KBTBD12: variants seen among roughly 807,000 people sequenced by gnomAD.
KBTBD12 encodes the protein kelch repeat and BTB domain-containing protein 12.
KBTBD12 carries 53 observed loss-of-function variants against 58.7 expected under a neutral mutation model. That is an observed-to-expected ratio of 0.90 (90% CI 0.72 to 1.14). The LOEUF is 1.14. KBTBD12 is among the 50% of genes most tolerant of loss of function. The pLI is 0.00. For missense variants in KBTBD12, 704 were observed against 751.3 expected, an observed-to-expected ratio of 0.94 and a Z score of 0.74; for synonymous variants, 236 against 259.8, an observed-to-expected ratio of 0.91 and a Z score of 0.88.
chr3:127,928,647 C>T (rs1007083951), intron 3 of KBTBD12, among the ~76,000 whole-genome samples: 7 of 152,186 alleles, frequency 4.6e-5, no homozygotes, highest in Admixed American at 1.3e-4. Context: ...CCCTCCCCTC[C>T]GGATGTCCTC....
chr3:127,976,230 C>T (rs1940780197), intron 5 of KBTBD12, among the ~76,000 whole-genome samples: 1 of 152,110 alleles, frequency 6.6e-6, no homozygotes, highest in African/African-American at 2.4e-5. Flanking sequence ...TTTATTTATT[C>T]TACTCTTAGT....
intron 5 of KBTBD12, among the ~76,000 whole-genome samples, chr3:127,973,188 G>A (rs1438110556): frequency 6.6e-6 from 1 of 152,106 alleles, no homozygotes; most frequent in East Asian, 1.9e-4. Flanking sequence ...CTTGTGTCCA[G>A]TCAAACCTCT....
At chr3:127,971,452 G>GC (rs1479914125) in intron 5 of KBTBD12, among the ~76,000 whole-genome samples, 1 of 152,166 alleles carries the variant, frequency 6.6e-6, no homozygotes, top group Non-Finnish European at 1.5e-5. Context: ...TGCTGACAAA[G>GC]CCCCCACTTT....
chr3:127,927,456 C>T (rs775361123), intron 2 of KBTBD12, among the ~76,000 whole-genome samples: 4 of 151,916 alleles, frequency 2.6e-5, no homozygotes, highest in Non-Finnish European at 4.4e-5. Context: ...ACTTTCTATC[C>T]ATTCTTGATT....
chr3:127,968,983 T>C (rs1218606271), intron 5 of KBTBD12, among the ~76,000 whole-genome samples: 1 of 152,170 alleles, frequency 6.6e-6, no homozygotes, highest in African/African-American at 2.4e-5. Flanking sequence ...GCTAACATCA[T>C]GCTTAATGGT....
At chr3:127,949,767 A>G (rs532571725) in intron 4 of KBTBD12, among the ~76,000 whole-genome samples, 16 of 152,318 alleles carry the variant, frequency 1.1e-4, no homozygotes, top group Middle Eastern at 3.4e-3. Flanking sequence ...CCTGCTTTCT[A>G]GAGAGTAAGG....
chr3:127,939,263 C>A (rs1291303952), intron 4 of KBTBD12, among the ~76,000 whole-genome samples: 4 of 152,188 alleles, frequency 2.6e-5, no homozygotes, highest in African/African-American at 9.7e-5. Context: ...ACCCACGTTG[C>A]TTTCGTCTTT....
chr3:127,918,607 G>A (rs546293426), intron 1 of KBTBD12, among the ~76,000 whole-genome samples: 3 of 152,024 alleles, frequency 2.0e-5, no homozygotes, highest in Non-Finnish European at 4.4e-5. Flanking sequence ...AGCTACTCAG[G>A]AGGCTGAGGC....
intron 5 of KBTBD12, among the ~76,000 whole-genome samples, chr3:127,983,323 A>G (rs1455179917): frequency 1.3e-5 from 2 of 152,132 alleles, no homozygotes; most frequent in African/African-American, 2.4e-5. Flanking sequence ...TTTGGTCCCC[A>G]GTGTAGCGGT....
At chr3:127,919,001 A>T (rs1437543803) in intron 1 of KBTBD12, among the ~76,000 whole-genome samples, 1 of 152,160 alleles carries the variant, frequency 6.6e-6, no homozygotes. Context: ...TGAAACTGGG[A>T]CATCATTTTC....
At chr3:127,944,027 A>C (rs981810196) in intron 4 of KBTBD12, among the ~76,000 whole-genome samples, 2 of 151,962 alleles carry the variant, frequency 1.3e-5, no homozygotes, top group African/African-American at 4.8e-5. Context: ...TCTCTATTCC[A>C]TTTTATTGGT....
intron 5 of KBTBD12, among the ~76,000 whole-genome samples, chr3:127,971,593 A>G (rs1459798815): frequency 6.6e-6 from 1 of 151,936 alleles, no homozygotes; most frequent in African/African-American, 2.4e-5. Context: ...ATCGGTACAC[A>G]CTTGTTTGCC....
Position 127,984,364 on chromosome 3 carries a change from C to T in KBTBD12, c.*86C>T. The T allele has an allele frequency of 3.2e-6, 4 of 1,244,802 alleles. No homozygotes were observed. Among genetic ancestry groups the T allele is most frequent in the Non-Finnish European group, 4.6e-6 (4 of 875,688 alleles). The allele number at this position is 1,244,802 out of a possible 1,614,324, so 77.1% of individuals were successfully genotyped here. A position where few individuals can be genotyped will look rare whatever the true frequency, so the allele number is the denominator to read the frequency against. On this transcript the variant is annotated 3_prime_UTR_variant, in exon 6 of 6. Transcript: ENST00000405109. ...CCCACAGCATCTCTGTCATGCCAGT[C>T]ATGTGCACTGCATGCGTAGTGGCCT...
intron 5 of KBTBD12, among the ~76,000 whole-genome samples, chr3:127,982,624 G>A (rs571766204): frequency 6.6e-6 from 1 of 152,228 alleles, no homozygotes; most frequent in African/African-American, 2.4e-5. Context: ...CCTCTCCCTT[G>A]CCTGCACCTG....
rs182716828 is a variant in KBTBD12, at chr3:127,965,114, A to G, written c.1690+1728A>G. ...TCTTGGCCAGAAAAGAAGGACAGAG[A>G]ATCTGAGGGTTAGCCTCCAGAGGGA... On this transcript the variant is annotated intron_variant, in intron 5 of 5. Coordinates refer to ENST00000405109, the MANE Select transcript of KBTBD12 (RefSeq NM_207335.4). Among the ~76,000 whole-genome samples the G allele has an allele frequency of 1.7e-3, 255 of 152,358 alleles. 1 individual carries two copies. Among genetic ancestry groups the G allele is most frequent in the African/African-American group, 5.9e-3 (247 of 41,586 alleles).
At chr3:127,938,113 G>A (rs1175224505) in intron 4 of KBTBD12, among the ~76,000 whole-genome samples, 1 of 151,900 alleles carries the variant, frequency 6.6e-6, no homozygotes, top group Admixed American at 6.6e-5. Context: ...ATGAAATGAA[G>A]AGCAAAGAAT....
intron 1 of KBTBD12, among the ~76,000 whole-genome samples, chr3:127,920,093 C>T (rs1939361181): frequency 6.6e-6 from 1 of 152,174 alleles, no homozygotes; most frequent in Admixed American, 6.5e-5. Context: ...AATTACCCTT[C>T]ATGTCTTTAT....
At chr3:127,938,448 AAACT>A (rs1236351518) in intron 4 of KBTBD12, among the ~76,000 whole-genome samples, 2 of 152,172 alleles carry the variant, frequency 1.3e-5, no homozygotes, top group Non-Finnish European at 2.9e-5. Flanking sequence ...TACAAATTTT[AAACT>A]AACAAATGGG....
chr3:127,919,816 T>TA (rs1939355181), intron 1 of KBTBD12, among the ~76,000 whole-genome samples: 2 of 152,298 alleles, frequency 1.3e-5, no homozygotes, highest in African/African-American at 4.8e-5. Context: ...GTAAATCTGA[T>TA]AATTCACACA....
Sources: allele counts gnomAD v4.1 joint callset (sites outside exome capture counted in the v4.1 genomes callset), GRCh38; gene constraint gnomAD v4.1.1; transcripts MANE v1.5; gene names NCBI Gene and HGNC (gene_info 2026-07-23, HGNC 2026-07-21).